The following SBF2 variants were observed in gnomAD, a reference collection of about 807,000 sequenced individuals.
SBF2 encodes the protein myotubularin-related protein 13.
SBF2 carries 112 observed loss-of-function variants against 225.2 expected under a neutral mutation model. That is an observed-to-expected ratio of 0.50 (90% confidence interval 0.43 to 0.58). The LOEUF is 0.58. Among genes scored for constraint, SBF2 ranks in the 20% least tolerant of loss-of-function variants. The probability of loss-of-function intolerance (pLI) is 0.00; values close to 1 mark genes in which losing one functional copy is unlikely to be tolerated. For synonymous variants in SBF2, 763 were observed against 773.3 expected, an observed-to-expected ratio of 0.99 and a Z score of 0.22; for missense variants, 1,996 against 2,206.2, an observed-to-expected ratio of 0.90 and a Z score of 1.91.
Position 9,787,926 on chromosome 11 carries a change from T to A in SBF2, c.4933-188A>T, listed in dbSNP as rs1438762665. 6.4e-6 allele frequency: 4 copies of A among 628,424 alleles called. No homozygotes were observed. The Admixed American group carries it at 7.6e-5, about 12-fold the overall frequency. The allele number at this position is 628,424 out of a possible 1,614,324, so 38.9% of individuals were successfully genotyped here. On this transcript the variant is annotated intron_variant, in intron 35 of 39. Transcript: ENST00000256190. The stretch of plus-strand genomic sequence containing the variant: ...GGTGAGAGCTCTAGTTGGTGTGCCG[T>A]ACTGTGGCAAAGATGGTTTATTAGG...
At position 10,118,565 on chromosome 11, in the gene SBF2, T is replaced by G. The variant is rs192098377; in HGVS notation, c.141+75337A>C. 4.0e-3 allele frequency among the ~76,000 whole-genome samples: 616 copies of G among 152,220 alleles called. 4 individuals carry two copies. The highest frequency in any genetic ancestry group is 0.027 in the Middle Eastern group (8 of 294). On this transcript the variant is annotated intron_variant, in intron 2 of 39. Coordinates refer to ENST00000256190, the MANE Select transcript of SBF2 (RefSeq NM_030962.4). ...AAGCAGAAAATATTTACAAAGAATT[T>G]AAATTCTATAATAAATAATATTTGG...
chr11:10,082,008 A>G (rs915940820), intron 2 of SBF2, among the ~76,000 whole-genome samples: 2 of 152,116 alleles, frequency 1.3e-5, no homozygotes, highest in Non-Finnish European at 2.9e-5. Flanking sequence ...CGAAAAGGAG[A>G]GAAGATTCAA....
chr11:10,224,444 T>C (rs188635117), intron 1 of SBF2, among the ~76,000 whole-genome samples: 210 of 152,264 alleles, frequency 1.4e-3, no homozygotes, highest in African/African-American at 4.8e-3. Flanking sequence ...TTGCTTCCCA[T>C]TGCACTTTTA....
At position 10,251,098 on chromosome 11, in the gene SBF2, G is replaced by A. The variant is rs570065357; in HGVS notation, c.55+42917C>T. 2.6e-5 allele frequency among the ~76,000 whole-genome samples: 4 copies of A among 152,262 alleles called. No homozygotes were observed. In the South Asian group the frequency reaches 8.3e-4, roughly 32 times the overall value. The stretch of plus-strand genomic sequence containing the variant: ...TATAGGGTATACTTTTATTTGTAGA[G>A]GATTTTGCAGCCAGCCTTATACATG... On this transcript the variant is annotated intron_variant, in intron 1 of 39. Transcript: ENST00000256190.
At chr11:10,169,344 T>C (rs1004945647) in intron 2 of SBF2, among the ~76,000 whole-genome samples, 7 of 152,182 alleles carry the variant, frequency 4.6e-5, no homozygotes. Flanking sequence ...CACACTACCC[T>C]TCCCAGCATC....
intron 29 of SBF2, among the ~76,000 whole-genome samples, chr11:9,812,926 A>G (rs1469923084): frequency 3.3e-5 from 5 of 152,252 alleles, no homozygotes; most frequent in African/African-American, 1.2e-4. Context: ...TGGCAAATCT[A>G]GTCCTTACTA....
chr11:10,196,864 A>ATTTTTTTTTTTTT, intron 1 of SBF2, among the ~76,000 whole-genome samples: 1 of 61,960 alleles, frequency 1.6e-5, no homozygotes, highest in Non-Finnish European at 3.5e-5. Flanking sequence ...ATATATATAT[A>ATTTTTTTTTTTTT]TATTTTTTTT....
intron 1 of SBF2, among the ~76,000 whole-genome samples, chr11:10,213,008 C>T (rs1418586870): frequency 6.6e-6 from 1 of 151,642 alleles, no homozygotes; most frequent in Non-Finnish European, 1.5e-5. Context: ...AAGATCTCAC[C>T]ACTGCACTTC....
intron 9 of SBF2, among the ~76,000 whole-genome samples, chr11:9,995,839 T>TC (rs1554978242): frequency 6.7e-6 from 1 of 149,784 alleles, no homozygotes; most frequent in Non-Finnish European, 1.5e-5. Context: ...TTTTTTTTTT[T>TC]GGTAGAGACG....
At chr11:10,227,843 T>C (rs1418479978) in intron 1 of SBF2, among the ~76,000 whole-genome samples, 1 of 151,836 alleles carries the variant, frequency 6.6e-6, no homozygotes, top group African/African-American at 2.4e-5. Flanking sequence ...AGTAGTTTTT[T>C]CCAATTCTGT....
At chr11:9,805,841 T>C (rs567424488) in intron 32 of SBF2, among the ~76,000 whole-genome samples, 16 of 152,176 alleles carry the variant, frequency 1.1e-4, no homozygotes, top group South Asian at 8.3e-4. Flanking sequence ...CCAGGATGGT[T>C]TTGATCTCTT....
chr11:10,017,037 T>C (rs948094413), intron 6 of SBF2: 3 of 152,224 alleles, frequency 2.0e-5, no homozygotes, highest in African/African-American at 4.8e-5. Context: ...TGATAATTAC[T>C]AGCGATTTCA....
chr11:9,926,207 G>A (rs559014892), intron 16 of SBF2, among the ~76,000 whole-genome samples: 12 of 152,162 alleles, frequency 7.9e-5, no homozygotes, highest in Admixed American at 2.0e-4. Context: ...CACTGCATAA[G>A]TAGAAAAATA....
chr11:10,078,341 G>A (rs879540685), intron 2 of SBF2, among the ~76,000 whole-genome samples: 10 of 152,192 alleles, frequency 6.6e-5, no homozygotes, highest in African/African-American at 2.4e-4. Context: ...TATGTTTACT[G>A]TAGCACTGTT....
intron 2 of SBF2, among the ~76,000 whole-genome samples, chr11:10,184,247 T>C (rs1026198791): frequency 5.3e-5 from 8 of 152,234 alleles, no homozygotes; most frequent in East Asian, 1.9e-4. Flanking sequence ...GACTGTACCA[T>C]GGATCTACAT....
intron 2 of SBF2, among the ~76,000 whole-genome samples, chr11:10,140,735 G>C (rs573720847): frequency 6.6e-6 from 1 of 152,286 alleles, no homozygotes; most frequent in East Asian, 1.9e-4. Context: ...GGCATTTGAA[G>C]TGGGGAGCAG....
intron 2 of SBF2, among the ~76,000 whole-genome samples, chr11:10,051,935 T>C (rs184190172): frequency 2.0e-5 from 3 of 152,266 alleles, no homozygotes; most frequent in African/African-American, 7.2e-5. Context: ...GGTTTAGTCT[T>C]TTCCATTCTT....
chr11:10,092,472 T>A (rs1951822792), intron 2 of SBF2, among the ~76,000 whole-genome samples: 2 of 152,332 alleles, frequency 1.3e-5, no homozygotes, highest in Middle Eastern at 3.4e-3. Context: ...AAACTTTGAC[T>A]TGCCTAAGAC....
intron 16 of SBF2, among the ~76,000 whole-genome samples, chr11:9,938,758 A>G (rs1865062264): frequency 6.6e-6 from 1 of 152,178 alleles, no homozygotes; most frequent in South Asian, 2.1e-4. Flanking sequence ...AGCTGCAATA[A>G]GAATCTTGCA....
Sources: allele counts gnomAD v4.1 joint callset (sites outside exome capture counted in the v4.1 genomes callset), GRCh38; gene constraint gnomAD v4.1.1; transcripts MANE v1.5; gene names NCBI Gene and HGNC (gene_info 2026-07-23, HGNC 2026-07-21).